ATE1: variants seen among roughly 807,000 people sequenced by gnomAD.
The protein encoded by ATE1 is arginyltransferase 1.
Under a neutral mutation model 70.5 loss-of-function variants are expected in ATE1, and 36 were observed. The observed-to-expected ratio is 0.51, with a 90% confidence interval of 0.39 to 0.67. The LOEUF is 0.67. Ranked by LOEUF, ATE1 falls within the 30% of genes least tolerant of loss-of-function variation. ATE1 has a pLI of 0.00. For missense variants in ATE1, 593 were observed against 629.5 expected, an observed-to-expected ratio of 0.94 and a Z score of 0.62; for synonymous variants, 232 against 219.3, an observed-to-expected ratio of 1.06 and a Z score of -0.51.
chr10:121,883,432 AAACT>A (rs1314803667), intron 7 of ATE1, among the ~76,000 whole-genome samples: 4 of 152,216 alleles, frequency 2.6e-5, no homozygotes, highest in Admixed American at 6.5e-5. Flanking sequence ...AATACTAGAC[AAACT>A]AACACAAGAA....
intron 1 of ATE1, chr10:121,927,399 G>A (rs1952139189): frequency 3.0e-6 from 3 of 984,592 alleles, no homozygotes; most frequent in South Asian, 4.7e-5. Context: ...CATTCGTCCA[G>A]GGAAGTCTGA....
intron 10 of ATE1, among the ~76,000 whole-genome samples, chr10:121,831,460 T>G (rs1344343254): frequency 6.6e-6 from 1 of 152,152 alleles, no homozygotes. Flanking sequence ...CGACGACTGC[T>G]CCCTCCTCTG....
chr10:121,860,003 A>G (rs972972145), intron 8 of ATE1, among the ~76,000 whole-genome samples: 1 of 152,232 alleles, frequency 6.6e-6, no homozygotes, highest in Non-Finnish European at 1.5e-5. Context: ...GAGTAGGATT[A>G]TTCCAAAGTG....
chr10:121,813,751 G>A (rs1429562235), intron 10 of ATE1, among the ~76,000 whole-genome samples: 1 of 152,210 alleles, frequency 6.6e-6, no homozygotes. Context: ...CTCAGCAGCA[G>A]GAGGCCCCAG....
intron 3 of ATE1, among the ~76,000 whole-genome samples, chr10:121,921,072 T>A (rs1045080600): frequency 1.1e-4 from 17 of 152,186 alleles, no homozygotes; most frequent in Admixed American, 9.8e-4. Context: ...CCAATTAATT[T>A]TTTTTTCAAC....
At chr10:121,768,722 T>C (rs187728099) in intron 11 of ATE1, among the ~76,000 whole-genome samples, 84 of 152,300 alleles carry the variant, frequency 5.5e-4, no homozygotes, top group Non-Finnish European at 9.4e-4. Flanking sequence ...TTTCTCTTTC[T>C]AATAAAATGC....
At chr10:121,894,442 G>T (rs990034301) in intron 7 of ATE1, among the ~76,000 whole-genome samples, 4 of 152,152 alleles carry the variant, frequency 2.6e-5, no homozygotes, top group Admixed American at 1.3e-4. Flanking sequence ...AACATGGAGT[G>T]GCTCTACTAA....
intron 8 of ATE1, among the ~76,000 whole-genome samples, chr10:121,849,928 T>C (rs1175394520): frequency 1.3e-5 from 2 of 152,206 alleles, no homozygotes; most frequent in Non-Finnish European, 2.9e-5. Flanking sequence ...ACATGTCTGA[T>C]GTTTGTTTAT....
chr10:121,897,736 G>T (rs11200236), intron 7 of ATE1, among the ~76,000 whole-genome samples: 45,671 of 151,002 alleles, frequency 0.3, 7,266 homozygotes, highest in South Asian at 0.44. Flanking sequence ...TGAGGCAGGA[G>T]AATCGCTTGA....
intron 11 of ATE1, among the ~76,000 whole-genome samples, chr10:121,779,193 CA>C (rs918035701): frequency 2.4e-4 from 37 of 152,276 alleles, no homozygotes; most frequent in Middle Eastern, 3.4e-3. Context: ...GAATTCAGAA[CA>C]ATTTCTTTGT....
At chr10:121,865,612 C>A (rs1396877517) in intron 8 of ATE1, among the ~76,000 whole-genome samples, 1 of 152,130 alleles carries the variant, frequency 6.6e-6, no homozygotes, top group Non-Finnish European at 1.5e-5. Flanking sequence ...CGGTGTAAGC[C>A]TAGCAGGGGA....
chr10:121,928,316 C>CCG (rs1952190467), upstream of ATE1: 1 of 1,511,598 alleles, frequency 6.6e-7, no homozygotes, highest in Admixed American at 2.2e-5. Context: ...GGCGCGGCGG[C>CCG]CGCGCCAACT....
intron 3 of ATE1, among the ~76,000 whole-genome samples, chr10:121,919,726 C>T (rs1173394181): frequency 6.6e-6 from 1 of 152,074 alleles, no homozygotes; most frequent in African/African-American, 2.4e-5. Context: ...GGTGAAACCC[C>T]GTCTCTACTA....
intron 8 of ATE1, among the ~76,000 whole-genome samples, chr10:121,843,747 GAC>G (rs1948715599): frequency 6.6e-6 from 1 of 150,392 alleles, no homozygotes; most frequent in Non-Finnish European, 1.5e-5. Flanking sequence ...AAGGAATCCA[GAC>G]ACACACCTCA....
intron 5 of ATE1, among the ~76,000 whole-genome samples, chr10:121,908,883 G>C (rs1951309708): frequency 6.6e-6 from 1 of 152,220 alleles, no homozygotes; most frequent in Admixed American, 6.5e-5. Context: ...AGAGGAACAT[G>C]TTAAACTGCA....
intron 11 of ATE1, among the ~76,000 whole-genome samples, chr10:121,788,170 C>T (rs1308152522): frequency 1.3e-5 from 2 of 152,136 alleles, no homozygotes; most frequent in Non-Finnish European, 2.9e-5. Context: ...TAAGTATATG[C>T]TTTCTCTTAT....
chr10:121,791,006 A>G (rs891409595), intron 10 of ATE1, among the ~76,000 whole-genome samples: 144 of 151,048 alleles, frequency 9.5e-4, no homozygotes, highest in Non-Finnish European at 1.7e-3. Context: ...ATATGTGTAT[A>G]TATGTATACA....
intron 11 of ATE1, among the ~76,000 whole-genome samples, chr10:121,745,059 C>T (rs1944293637): frequency 6.6e-6 from 1 of 152,110 alleles, no homozygotes; most frequent in Non-Finnish European, 1.5e-5. Flanking sequence ...CTGAGGACTT[C>T]ATGGAACAAA....
At position 121,872,623 on chromosome 10, in the gene ATE1, A is replaced by G. The variant is rs138188476; in HGVS notation, c.943-2585T>C. ...ACTTTGAAAGAACAATTATAAAAAA[A>G]TGAGACTGCAAAATACATTTTCTAT... is the stretch of plus-strand genomic sequence containing the variant. On this transcript the variant is annotated intron_variant, in intron 7 of 11. Coordinates refer to ENST00000224652, the MANE Select transcript of ATE1 (RefSeq NM_001001976.3). Among the ~76,000 whole-genome samples, 1,076 of 152,266 alleles carry G rather than the reference A, an allele frequency of 7.1e-3. 25 individuals are homozygous for G. Among genetic ancestry groups the G allele is most frequent in the African/African-American group, 0.024 (1,018 of 41,572 alleles).
Sources: allele counts gnomAD v4.1 joint callset (sites outside exome capture counted in the v4.1 genomes callset), GRCh38; gene constraint gnomAD v4.1.1; transcripts MANE v1.5; gene names NCBI Gene and HGNC (gene_info 2026-07-23, HGNC 2026-07-21).